Variants in STX19 observed in about 807,000 individuals in gnomAD.
The protein encoded by STX19 is syntaxin 19, also known as syntaxin-19.
Under a neutral mutation model 24.3 loss-of-function variants are expected in STX19, and 26 were observed. That is an observed-to-expected ratio of 1.07 (90% confidence interval 0.78 to 1.48). The LOEUF (loss-of-function observed/expected upper bound fraction) is 1.48, where lower values mean the gene tolerates loss of function less well. Ranked by LOEUF, STX19 falls within the 40% of genes most tolerant of loss-of-function variation. The probability of loss-of-function intolerance (pLI) is 0.00; values close to 1 mark genes in which losing one functional copy is unlikely to be tolerated. For missense variants in STX19, 367 were observed against 331.9 expected (o/e 1.11, Z -0.82); for synonymous variants, 116 against 106.9 (o/e 1.09, Z -0.52).
intron 1 of STX19, among the ~76,000 whole-genome samples, chr3:94,021,460 G>T (rs1384066066): frequency 6.6e-6 from 1 of 152,046 alleles, no homozygotes; most frequent in Non-Finnish European, 1.5e-5. Flanking sequence ...CTCCCAAAGT[G>T]CTGGGATTAC....
intron 1 of STX19, among the ~76,000 whole-genome samples, chr3:94,020,772 G>A (rs892295775): frequency 2.6e-5 from 4 of 152,160 alleles, no homozygotes; most frequent in African/African-American, 9.7e-5. Context: ...TGCACTTAAA[G>A]CATTCTACTA....
rs139051789 is a variant in STX19, at chr3:94,025,264, T to C, written c.-14+3103A>G. Among the ~76,000 whole-genome samples the C allele has an allele frequency of 1.8e-3, 272 of 151,608 alleles. 1 individual carries two copies. Among genetic ancestry groups the C allele is most frequent in the Middle Eastern group, 6.8e-3 (2 of 294 alleles). ...GAATTTACAAGCAAAAAACAAAATA[T>C]CCTTTTTTTAATATCTGTATACATT... On this transcript the variant is annotated intron_variant, in intron 1 of 1. Coordinates refer to ENST00000315099, the MANE Select transcript of STX19 (RefSeq NM_001001850.3).
intron 1 of STX19, among the ~76,000 whole-genome samples, chr3:94,023,973 A>T (rs2076503657): frequency 6.6e-6 from 1 of 152,148 alleles, no homozygotes; most frequent in Non-Finnish European, 1.5e-5. Flanking sequence ...TCACAGACTG[A>T]TGTTTACAGA....
At chr3:94,018,156 C>T (rs1163485621) in intron 1 of STX19, among the ~76,000 whole-genome samples, 2 of 152,018 alleles carry the variant, frequency 1.3e-5, no homozygotes, top group Non-Finnish European at 2.9e-5. Context: ...CCTTGTCCTC[C>T]CAGAGTGCTA....
intron 1 of STX19, among the ~76,000 whole-genome samples, chr3:94,023,676 T>G (rs2076496754): frequency 6.6e-6 from 1 of 152,190 alleles, no homozygotes; most frequent in African/African-American, 2.4e-5. Context: ...ATCCTACGTT[T>G]AGACATATCT....
At chr3:94,025,688 C>T (rs1366020526) in intron 1 of STX19, among the ~76,000 whole-genome samples, 3 of 152,084 alleles carry the variant, frequency 2.0e-5, no homozygotes, top group Admixed American at 6.5e-5. Context: ...TCACTACCAA[C>T]GCCCCATGGA....
intron 1 of STX19, among the ~76,000 whole-genome samples, chr3:94,020,755 G>A (rs910892575): frequency 1.3e-5 from 2 of 152,070 alleles, no homozygotes; most frequent in African/African-American, 2.4e-5. Context: ...AGTTTTTGTT[G>A]CTGAAATGCA....
intron 1 of STX19, among the ~76,000 whole-genome samples, chr3:94,022,157 G>C (rs573886656): frequency 3.9e-5 from 6 of 151,966 alleles, no homozygotes; most frequent in Middle Eastern, 3.4e-3. Context: ...GAGTTTCGCT[G>C]TTGTCACCCA....
At chr3:94,028,094 G>T (rs1412703501) in intron 1 of STX19, among the ~76,000 whole-genome samples, 1 of 152,216 alleles carries the variant, frequency 6.6e-6, no homozygotes, top group East Asian at 1.9e-4. Flanking sequence ...TTTTTTAAAT[G>T]AGAGCTTACT....
intron 1 of STX19, among the ~76,000 whole-genome samples, chr3:94,022,241 T>C (rs2107010231): frequency 6.6e-6 from 1 of 152,210 alleles, no homozygotes; most frequent in Middle Eastern, 3.4e-3. Context: ...TCTCCTTGCC[T>C]CAGCCTCCTG....
intron 1 of STX19, among the ~76,000 whole-genome samples, chr3:94,024,264 A>G (rs2076509825): frequency 6.6e-6 from 1 of 152,198 alleles, no homozygotes; most frequent in Admixed American, 6.5e-5. Context: ...CTGAAGTGCT[A>G]GTTGCCACAT....
chr3:94,020,447 T>A (rs1036746626), intron 1 of STX19, among the ~76,000 whole-genome samples: 1 of 152,148 alleles, frequency 6.6e-6, no homozygotes, highest in South Asian at 2.1e-4. Flanking sequence ...TATACGACAG[T>A]ATAGCATACT....
chr3:94,021,821 G>A (rs1465198455), intron 1 of STX19, among the ~76,000 whole-genome samples: 1 of 152,088 alleles, frequency 6.6e-6, no homozygotes, highest in African/African-American at 2.4e-5. Flanking sequence ...ATTCCCCAAA[G>A]TGTTGAAGAT....
intron 1 of STX19, among the ~76,000 whole-genome samples, chr3:94,016,691 G>A (rs553064795): frequency 8.2e-5 from 12 of 146,832 alleles, no homozygotes; most frequent in African/African-American, 2.7e-4. Flanking sequence ...CTGATGCCCC[G>A]GCTGGCATGC....
In STX19 at chr3:94,014,818, T is replaced by C. The variant is rs759950914; in HGVS notation, c.452A>G (p.Tyr151Cys). 72 of 1,614,000 alleles carry C rather than the reference T, an allele frequency of 4.5e-5. No homozygotes were observed. The highest frequency in any genetic ancestry group is 5.6e-5 in the Non-Finnish European group (66 of 1,180,002). Reference sequence around the variant, plus strand: ...TTGCTTTGCTGCTATTGTGTCATTGTATATAAACATGATTTGCTGAAAATG... The same window carrying C: ...TTGCTTTGCTGCTATTGTGTCATTGCATATAAACATGATTTGCTGAAAATG... ...FRHFQQIMFI[Y>C]NDTIAAKQEK... Residue 151 changes from tyrosine to cysteine, a missense_variant, in exon 2 of 2, where the codon TAC (tyrosine) becomes TGC (cysteine). Coordinates refer to ENST00000315099, the MANE Select transcript of STX19 (RefSeq NM_001001850.3).
rs369172757 is a variant in STX19, at chr3:94,015,116, G to A, written c.154C>T (p.His52Tyr). 1.2e-6 allele frequency: 2 copies of A among 1,613,906 alleles called. No individual in the cohort carries two copies. Among genetic ancestry groups the A allele is most frequent in the Admixed American group, 3.3e-5 (2 of 59,994 alleles). ...CTTTCCTGTAGTTTTTGGATTTCAT[G>A]TAGGTGTCTCTCAGCTACAGGCTCT... ...EREPVAERHLHEIQKLQESIN... is the reference protein window; with the variant it reads ...EREPVAERHLYEIQKLQESIN... Residue 52 changes from histidine to tyrosine, a missense_variant, in exon 2 of 2, where the codon CAT (histidine) becomes TAT (tyrosine). His to Tyr is a moderately conservative substitution (Grantham distance 83). Transcript: ENST00000315099.
chr3:94,024,432 G>A (rs1019139247), intron 1 of STX19, among the ~76,000 whole-genome samples: 5 of 152,152 alleles, frequency 3.3e-5, no homozygotes, highest in Admixed American at 2.6e-4. Flanking sequence ...TTATACAATG[G>A]TTCAGTAGCT....
intron 1 of STX19, among the ~76,000 whole-genome samples, chr3:94,015,603 A>G (rs879395474): frequency 1.3e-5 from 2 of 152,240 alleles, no homozygotes; most frequent in Non-Finnish European, 2.9e-5. Flanking sequence ...AATGCTTTTG[A>G]CTATACCTTC....
chr3:94,019,968 G>T (rs2076414321), intron 1 of STX19, among the ~76,000 whole-genome samples: 1 of 152,054 alleles, frequency 6.6e-6, no homozygotes, highest in Non-Finnish European at 1.5e-5. Flanking sequence ...ACCCTATTTT[G>T]AACTATACCT....
Sources: gnomAD v4.1 joint callset for allele counts (sites outside exome capture counted in the v4.1 genomes callset) on GRCh38, gnomAD v4.1.1 for gene constraint, MANE v1.5 for transcripts, NCBI Gene and HGNC (gene_info 2026-07-23, HGNC 2026-07-21) for gene names.